GPR143: variants seen among roughly 807,000 people sequenced by gnomAD.
GPR143 encodes the protein G protein-coupled receptor 143.
In GPR143, 8 loss-of-function variants were observed where a neutral mutation model predicts 27.6. That is an observed-to-expected ratio of 0.29 (90% CI 0.17 to 0.52). The LOEUF (loss-of-function observed/expected upper bound fraction) is 0.52. Ranked by LOEUF, GPR143 falls within the 20% of genes least tolerant of loss-of-function variation. GPR143 has a pLI of 0.96. For missense variants in GPR143, 303 were observed against 343.1 expected, an observed-to-expected ratio of 0.88 and a Z score of 0.92; for synonymous variants, 156 against 153.2, an observed-to-expected ratio of 1.02 and a Z score of -0.13.
At chrX:9,772,383 C>G (rs1339686507) in intron 1 of GPR143, among the ~76,000 whole-genome samples, 1 of 111,759 alleles carries the variant, frequency 8.9e-6, no homozygotes, top group East Asian at 2.8e-4. Flanking sequence ...TCATCACACT[C>G]CATTTTAAAT....
At position 9,772,170 on chromosome X, in the gene GPR143, A is replaced by G. The variant is rs1388801415; in HGVS notation, c.-2-11344T>C. On this transcript the variant is annotated intron_variant, in intron 1 of 7. Transcript: ENST00000447366. Reference sequence around the variant, plus strand: ...AAAGGGAAGAGGAAGACAACAGATAAGGACTGAGAGAGGCAAATACGCGAT... The same window carrying G: ...AAAGGGAAGAGGAAGACAACAGATAGGGACTGAGAGAGGCAAATACGCGAT... Among the ~76,000 whole-genome samples the G allele has an allele frequency of 5.4e-5, 6 of 112,036 alleles. No homozygotes were observed. The East Asian group carries it at 1.7e-3, about 31-fold the overall frequency.
chrX:9,725,808 C>G lies in GPR143; in HGVS notation c.1153G>C (p.Ala385Pro). The G allele has an allele frequency of 8.3e-7, 1 of 1,209,137 alleles. No individual in the cohort carries two copies. Among genetic ancestry groups the G allele is most frequent in the Non-Finnish European group, 1.1e-6 (1 of 893,929 alleles). Residue 385 changes from alanine (A) to proline (P), a missense_variant, in exon 9 of 9, where the codon GCA (alanine) becomes CCA (proline). Transcript: ENST00000467482. ...SDASTIEIHT[A>P]SESCNKNEGD... Reference sequence around the variant, plus strand: ...TCATTTTTGTTGCAGGATTCACTTGCAGTGTGAATTTCAATTGTGCTGGCA... The same window carrying G: ...TCATTTTTGTTGCAGGATTCACTTGGAGTGTGAATTTCAATTGTGCTGGCA...
chrX:9,761,012 GAAAAAACA>G, intron 1 of GPR143, among the ~76,000 whole-genome samples, 186 bp from the exon 2 acceptor site: 1 of 110,087 alleles, frequency 9.1e-6, no homozygotes, highest in Non-Finnish European at 1.9e-5. Flanking sequence ...AAGAAAGGAA[GAAAAAACA>G]TACATATTTG....
upstream of GPR143, among the ~76,000 whole-genome samples, chrX:9,767,080 CTA>C (rs1410183074): frequency 1.8e-5 from 2 of 111,473 alleles, no homozygotes; most frequent in Admixed American, 9.6e-5. Context: ...GTTAATTTTT[CTA>C]TGTTTTCTCA....
At chrX:9,774,843 AT>A (rs200503582) in intron 1 of GPR143, among the ~76,000 whole-genome samples, 17,346 of 110,372 alleles carry the variant, frequency 0.16, 1,112 homozygotes, top group Middle Eastern at 0.19. Flanking sequence ...CCACATAAGG[AT>A]TTTTTTTAAT....
At chrX:9,767,952 G>A (rs773794995), upstream of GPR143, among the ~76,000 whole-genome samples, 15 of 111,479 alleles carry the variant, frequency 1.3e-4, no homozygotes, top group Non-Finnish European at 2.3e-4. Flanking sequence ...AGGGGTCCCT[G>A]CATTTGAGTC....
At chrX:9,733,178 C>T (rs1043708363) in intron 8 of GPR143, among the ~76,000 whole-genome samples, 14 of 109,638 alleles carry the variant, frequency 1.3e-4, no homozygotes, top group Non-Finnish European at 1.3e-4. Flanking sequence ...TTGTGGCAGA[C>T]GAAAGGAATT....
At chrX:9,765,351 GACCGAGCAGGTCCCAACCAGCCAGCT>G (rs2083525751) in intron 1 of GPR143, among the ~76,000 whole-genome samples, 191 bp downstream of exon 1, 1 of 110,252 alleles carries the variant, frequency 9.1e-6, no homozygotes, top group Non-Finnish European at 1.9e-5. Flanking sequence ...CTCAGCCGGG[GACCGAGCAGGTCCCAACCAGCCAGCT>G]ACGCGCCCTC....
chrX:9,725,988 A>G lies in GPR143; in HGVS notation c.1121-148T>C, dbSNP rs1429065564. 2.9e-5 allele frequency: 30 copies of G among 1,035,956 alleles called. 1 individual carries two copies. Among genetic ancestry groups the G allele is most frequent in the Non-Finnish European group, 6.2e-6 (5 of 803,658 alleles). 85.4% of individuals were successfully genotyped at this position (1,035,956 alleles called of 1,213,427 possible). ...AGCATTCATCTCATCTGCAAAAAAA[A>G]AAAAAAAAAAAAAAAAAGGTGGGAG... On this transcript the variant is annotated intron_variant, in intron 8 of 8. Transcript: ENST00000467482.
At chrX:9,763,102 GT>G (rs1369050194) in intron 1 of GPR143, among the ~76,000 whole-genome samples, 19 of 104,740 alleles carry the variant, frequency 1.8e-4, no homozygotes, top group Admixed American at 3.1e-4. Flanking sequence ...TTTTTTTGTT[GT>G]TTTTTTTTTC....
Position 9,739,658 on chromosome X carries a change from C to T in GPR143, c.947G>A (p.Cys316Tyr), listed in dbSNP as rs1348263627. ...CCTGGGAGACTGAAAACCCAGGCTGCATCCTGTCCAGCCGTAGAAGGCCAA... is the reference window on the plus strand; with the variant it reads ...CCTGGGAGACTGAAAACCCAGGCTGTATCCTGTCCAGCCGTAGAAGGCCAA... Reference protein sequence around the residue: ...LSLAFYGWTGCSLGFQSPRKE... With the variant: ...LSLAFYGWTGYSLGFQSPRKE... The change falls in exon 8 of 9, where the codon TGC (cysteine) becomes TAC (tyrosine). Residue 316 changes from cysteine to tyrosine, a missense_variant. Coordinates refer to ENST00000467482, the MANE Select transcript of GPR143 (RefSeq NM_000273.3). The T allele has an allele frequency of 1.3e-5, 16 of 1,197,682 alleles. No homozygotes were observed. Among genetic ancestry groups the T allele is most frequent in the Non-Finnish European group, 1.8e-5 (16 of 887,369 alleles).
At chrX:9,742,890 T>C (rs1222086909) in intron 6 of GPR143, among the ~76,000 whole-genome samples, 3 of 111,349 alleles carry the variant, frequency 2.7e-5, no homozygotes, top group Non-Finnish European at 5.7e-5. Flanking sequence ...GTGGATCACT[T>C]GAGGTCAGGA....
intron 1 of GPR143, among the ~76,000 whole-genome samples, chrX:9,761,447 C>T (rs1433926376): frequency 8.9e-6 from 1 of 112,350 alleles, no homozygotes; most frequent in Non-Finnish European, 1.9e-5. Flanking sequence ...TTAACGCAAA[C>T]CATAGTTGGC....
At chrX:9,731,805 G>A (rs1314776238) in intron 8 of GPR143, among the ~76,000 whole-genome samples, 1 of 97,766 alleles carries the variant, frequency 1.0e-5, no homozygotes, top group African/African-American at 3.5e-5. Context: ...ATTGGGGGGG[G>A]GGGGAAGGAA....
chrX:9,753,409 T>A, intron 3 of GPR143, among the ~76,000 whole-genome samples: 3 of 76,827 alleles, frequency 3.9e-5, no homozygotes, highest in African/African-American at 5.4e-5. Flanking sequence ...AAACAGAATC[T>A]GAAAAAAAAA....
chrX:9,738,843 G>A (rs182057955), intron 8 of GPR143, among the ~76,000 whole-genome samples: 2 of 111,752 alleles, frequency 1.8e-5, no homozygotes, highest in Non-Finnish European at 3.8e-5. Context: ...GGCTGGTCTC[G>A]AATTCCTGAC....
chrX:9,770,185 A>G (rs2083548715), upstream of GPR143, among the ~76,000 whole-genome samples: 1 of 89,447 alleles, frequency 1.1e-5, no homozygotes, highest in Non-Finnish European at 2.1e-5. Context: ...AAAAAAAAAA[A>G]AAAAAGCCGG....
chrX:9,725,812 G>A lies in GPR143; in HGVS notation c.1149C>T (p.His383=), dbSNP rs1329199536. The part of the protein sequence containing the change: ...EGSDASTIEI[H]TASESCNKNE... ...TTTTGTTGCAGGATTCACTTGCAGT[G>A]TGAATTTCAATTGTGCTGGCATCAG... The change falls in exon 9 of 9, where the codon CAC becomes CAT. Residue 383 remains histidine (H), a synonymous_variant. Coordinates refer to ENST00000467482, the MANE Select transcript of GPR143 (RefSeq NM_000273.3). 12 of 1,207,420 alleles carry A rather than the reference G, an allele frequency of 9.9e-6. No homozygotes were observed. Among genetic ancestry groups the A allele is most frequent in the Middle Eastern group, 2.3e-4 (1 of 4,368 alleles).
At position 9,743,617 on chromosome X, in the gene GPR143, C is replaced by T; in HGVS notation, c.715G>A (p.Gly239Arg). The change falls in exon 6 of 9, where the codon GGA becomes AGA. Residue 239 changes from glycine to arginine, a missense_variant. Transcript: ENST00000467482. ...GIYTENERRMGAVIKIRFFKI... is the reference protein window; with the variant it reads ...GIYTENERRMRAVIKIRFFKI... ...AAAAATCGGATCTTGATCACGGCTCCCATCCTCCTCTCGTTCTCCGTGTAA... is the reference window on the plus strand; with the variant it reads ...AAAAATCGGATCTTGATCACGGCTCTCATCCTCCTCTCGTTCTCCGTGTAA... 3 of 1,194,061 alleles carry T rather than the reference C, an allele frequency of 2.5e-6. No individual in the cohort carries two copies. The highest frequency in any genetic ancestry group is 3.4e-6 in the Non-Finnish European group (3 of 879,123).
Sources: allele counts gnomAD v4.1 joint callset (sites outside exome capture counted in the v4.1 genomes callset), GRCh38; gene constraint gnomAD v4.1.1; transcripts MANE v1.5; gene names NCBI Gene and HGNC (gene_info 2026-07-23, HGNC 2026-07-21).